The following NKAIN3 variants were observed in gnomAD, a reference collection of about 807,000 sequenced individuals.
The protein encoded by NKAIN3 is sodium/potassium-transporting ATPase subunit beta-1-interacting protein 3.
In NKAIN3, 25 loss-of-function variants were observed where a neutral mutation model predicts 30.2. The ratio of observed to expected loss-of-function variants is 0.83; its 90% confidence interval spans 0.60 to 1.16. The LOEUF is 1.16. Ranked by LOEUF, NKAIN3 falls within the 50% of genes most tolerant of loss-of-function variation. NKAIN3 has a pLI of 0.00. For missense variants in NKAIN3, 225 were observed against 254.1 expected (o/e 0.89, Z 0.78); for synonymous variants, 91 against 89.6 (o/e 1.02, Z -0.09).
intron 4 of NKAIN3, among the ~76,000 whole-genome samples, chr8:62,912,317 T>C (rs1358655486): frequency 1.3e-5 from 2 of 152,078 alleles, no homozygotes; most frequent in Non-Finnish European, 2.9e-5. Flanking sequence ...GAGCGATGGG[T>C]GAATGTGAAG....
At chr8:62,547,715 A>C (rs1294762535) in intron 1 of NKAIN3, among the ~76,000 whole-genome samples, 5 of 152,136 alleles carry the variant, frequency 3.3e-5, no homozygotes, top group Non-Finnish European at 5.9e-5. Context: ...TTAGATATCA[A>C]GTGTTGGGGT....
At chr8:62,852,321 T>A (rs1163501391) in intron 4 of NKAIN3, among the ~76,000 whole-genome samples, 2 of 152,186 alleles carry the variant, frequency 1.3e-5, no homozygotes, top group African/African-American at 2.4e-5. Context: ...CGTTTTTTAT[T>A]GCATCTATTT....
In NKAIN3 at chr8:62,833,373, G is replaced by A. The variant is rs1600542; in HGVS notation, c.472-85080G>A. Among the ~76,000 whole-genome samples the A allele has an allele frequency of 8.2e-4, 124 of 151,790 alleles. 1 individual carries two copies. The highest frequency in any genetic ancestry group is 7.9e-3 in the Admixed American group (120 of 15,228). On this transcript the variant is annotated intron_variant, in intron 4 of 6. Coordinates refer to ENST00000623646, the MANE Select transcript of NKAIN3 (RefSeq NM_001304533.3). ...TTAAGATGTACAAATCCATACAACC[G>A]ATCAACAAAACCAAAAATTGGCTCT...
At chr8:62,788,078 GT>G (rs1817580637) in intron 4 of NKAIN3, among the ~76,000 whole-genome samples, 1 of 152,026 alleles carries the variant, frequency 6.6e-6, no homozygotes, top group Non-Finnish European at 1.5e-5. Context: ...GGGTCAAATG[GT>G]ATTTCTAGTT....
intron 1 of NKAIN3, among the ~76,000 whole-genome samples, chr8:62,345,630 C>T (rs1265226077): frequency 7.3e-6 from 1 of 137,480 alleles, no homozygotes; most frequent in Non-Finnish European, 1.5e-5. Context: ...CATATATATA[C>T]ACATATATGT....
At chr8:62,735,843 G>C (rs909670458) in intron 3 of NKAIN3, among the ~76,000 whole-genome samples, 6 of 46,356 alleles carry the variant, frequency 1.3e-4, no homozygotes, top group Admixed American at 5.3e-4. Flanking sequence ...TCCTTCATGT[G>C]GTGCTCTCCC....
At chr8:62,511,801 C>T (rs1453746955) in intron 1 of NKAIN3, among the ~76,000 whole-genome samples, 1 of 152,188 alleles carries the variant, frequency 6.6e-6, no homozygotes, top group African/African-American at 2.4e-5. Flanking sequence ...AGCTGCTACT[C>T]CTCTATCTGA....
chr8:62,370,732 T>A (rs532176521), intron 1 of NKAIN3, among the ~76,000 whole-genome samples: 2 of 152,160 alleles, frequency 1.3e-5, no homozygotes, highest in Non-Finnish European at 2.9e-5. Flanking sequence ...ATTAAATTTT[T>A]AAAATTGTAA....
At chr8:62,840,544 T>C (rs988194965) in intron 4 of NKAIN3, among the ~76,000 whole-genome samples, 1 of 152,048 alleles carries the variant, frequency 6.6e-6, no homozygotes, top group Non-Finnish European at 1.5e-5. Context: ...CTTCCAGAAG[T>C]CCAGATTGCT....
At chr8:62,912,020 G>A (rs950031887) in intron 4 of NKAIN3, among the ~76,000 whole-genome samples, 7 of 152,134 alleles carry the variant, frequency 4.6e-5, no homozygotes, top group African/African-American at 7.2e-5. Context: ...GGCCTTAGGC[G>A]ATTTCATCAT....
chr8:62,758,490 A>C (rs1327907535), intron 4 of NKAIN3, among the ~76,000 whole-genome samples: 2 of 152,210 alleles, frequency 1.3e-5, no homozygotes, highest in Non-Finnish European at 2.9e-5. Flanking sequence ...ATTACTTCAA[A>C]ATTAAACTTT....
intron 1 of NKAIN3, among the ~76,000 whole-genome samples, chr8:62,270,170 C>G (rs183119199): frequency 1.3e-5 from 2 of 152,212 alleles, no homozygotes; most frequent in Non-Finnish European, 2.9e-5. Context: ...GCCTCGAACT[C>G]CTGGGCTCAA....
At chr8:62,814,280 T>A (rs908424520) in intron 4 of NKAIN3, among the ~76,000 whole-genome samples, 49 of 151,852 alleles carry the variant, frequency 3.2e-4, no homozygotes, top group African/African-American at 1.1e-3. Flanking sequence ...AAGGCAAACA[T>A]TCTTTCACTT....
At chr8:62,288,619 A>G (rs1813462888) in intron 1 of NKAIN3, among the ~76,000 whole-genome samples, 1 of 152,004 alleles carries the variant, frequency 6.6e-6, no homozygotes, top group African/African-American at 2.4e-5. Context: ...TATGTGCCAC[A>G]TTTTCTTAAT....
intron 1 of NKAIN3, among the ~76,000 whole-genome samples, chr8:62,485,600 C>G (rs1201349814): frequency 6.6e-6 from 1 of 152,094 alleles, no homozygotes; most frequent in Non-Finnish European, 1.5e-5. Context: ...GACTGTGGAG[C>G]AAAGAACACA....
At chr8:62,270,785 A>G (rs1027974962) in intron 1 of NKAIN3, among the ~76,000 whole-genome samples, 1 of 152,138 alleles carries the variant, frequency 6.6e-6, no homozygotes, top group African/African-American at 2.4e-5. Flanking sequence ...ATTATTGTAG[A>G]TTCCACATGT....
At chr8:62,361,648 G>A (rs1029208470) in intron 1 of NKAIN3, among the ~76,000 whole-genome samples, 4 of 152,126 alleles carry the variant, frequency 2.6e-5, no homozygotes, top group Non-Finnish European at 4.4e-5. Context: ...TTTGTTAAAC[G>A]AAATGTACTT....
At chr8:62,335,179 A>G (rs908160723) in intron 1 of NKAIN3, among the ~76,000 whole-genome samples, 4 of 152,084 alleles carry the variant, frequency 2.6e-5, no homozygotes, top group Non-Finnish European at 4.4e-5. Flanking sequence ...TCAAGCCTGT[A>G]ATTCCAGCAT....
chr8:62,762,640 A>T (rs1242065508), intron 4 of NKAIN3, among the ~76,000 whole-genome samples: 1 of 152,180 alleles, frequency 6.6e-6, no homozygotes, highest in African/African-American at 2.4e-5. Flanking sequence ...CACATGACAG[A>T]AGATGGTAGA....
Sources: allele counts gnomAD v4.1 joint callset (sites outside exome capture counted in the v4.1 genomes callset), GRCh38; gene constraint gnomAD v4.1.1; transcripts MANE v1.5; gene names NCBI Gene and HGNC (gene_info 2026-07-23, HGNC 2026-07-21).